The following NBR1 variants were observed in gnomAD, a reference collection of about 807,000 sequenced individuals.
NBR1 encodes next to BRCA1 gene 1 protein.
A neutral mutation model predicts 115.5 loss-of-function variants in NBR1; 59 were observed. The observed-to-expected ratio is 0.51, with a 90% CI of 0.41 to 0.63. The LOEUF (loss-of-function observed/expected upper bound fraction) is 0.63, where lower values mean the gene tolerates loss of function less well. Among genes scored for constraint, NBR1 ranks in the 30% least tolerant of loss-of-function variants. The pLI is 0.00. For synonymous variants in NBR1, 373 were observed against 414.7 expected (o/e 0.90, Z 1.22); for missense variants, 1,043 against 1,150.5 (o/e 0.91, Z 1.35).
intron 1 of NBR1, among the ~76,000 whole-genome samples, chr17:43,172,552 T>G (rs749937336): frequency 3.9e-5 from 6 of 152,200 alleles, no homozygotes; most frequent in Non-Finnish European, 8.8e-5. Flanking sequence ...CCTGGGGAAT[T>G]GACAAAGATT....
intron 20 of NBR1, among the ~76,000 whole-genome samples, chr17:43,205,897 A>G (rs1019191202): frequency 2.0e-5 from 3 of 149,318 alleles, no homozygotes; most frequent in Non-Finnish European, 3.0e-5. Flanking sequence ...AAAAAAAAAA[A>G]GGCTGGGTGT....
At chr17:43,180,923 G>A in intron 5 of NBR1, 106 bp downstream of exon 5, 1 of 1,107,704 alleles carries the variant, frequency 9.0e-7, no homozygotes, top group Non-Finnish European at 1.1e-6. Context: ...CCAGGCTGGT[G>A]TGCAGTGGCA....
chr17:43,189,989 T>C, intron 8 of NBR1, 187 bp downstream of exon 8: 1 of 603,200 alleles, frequency 1.7e-6, no homozygotes, highest in Admixed American at 3.0e-5. Context: ...TTCAGATTGT[T>C]GTGTTCAAAT....
intron 20 of NBR1, chr17:43,209,658 C>T (rs1421587417): frequency 2.0e-5 from 30 of 1,535,426 alleles, no homozygotes; most frequent in East Asian, 2.4e-5. Context: ...AGTTCATTAG[C>T]TCCCCGGTTT....
chr17:43,201,953 G>A (rs1351976768), intron 18 of NBR1, among the ~76,000 whole-genome samples, 173 bp downstream of exon 18: 1 of 151,920 alleles, frequency 6.6e-6, no homozygotes. Flanking sequence ...GCCAAGGCAG[G>A]CGGATCATAG....
Position 43,193,618 on chromosome 17 carries a change from G to T in NBR1, c.1504G>T (p.Asp502Tyr), listed in dbSNP as rs755310607. Residue 502 changes from aspartate to tyrosine, a missense_variant, in exon 12 of 21, where the codon GAT (aspartate) becomes TAT (tyrosine). By Grantham distance (160) the Asp-to-Tyr change is radical. Coordinates refer to ENST00000590996, the MANE Select transcript of NBR1 (RefSeq NM_005899.5). ...CATGATCAGCTCAAGCAAAACTGAT[G>T]ATCTCACCTGCCAGCAAGAGGTGAG... ...KGMISSSKTDDLTCQQEETFL... is the reference protein window; with the variant it reads ...KGMISSSKTDYLTCQQEETFL... 2 of 1,608,984 alleles carry T rather than the reference G, an allele frequency of 1.2e-6. No homozygotes were observed. The highest frequency in any genetic ancestry group is 1.1e-5 in the South Asian group (1 of 90,010).
intron 20 of NBR1, 21 bp from the exon 21 acceptor site, chr17:43,209,880 G>A: frequency 3.4e-6 from 4 of 1,174,728 alleles, no homozygotes; most frequent in South Asian, 5.1e-5. Flanking sequence ...TTTTTTTTTT[G>A]CTTTGCTTGT....
At chr17:43,182,953 G>T (rs1360252699) in intron 5 of NBR1, among the ~76,000 whole-genome samples, 1 of 151,296 alleles carries the variant, frequency 6.6e-6, no homozygotes, top group Non-Finnish European at 1.5e-5. Flanking sequence ...TAGTAGAGAC[G>T]GCGTTTCACC....
chr17:43,186,135 A>G (rs2056795146), intron 5 of NBR1, 115 bp from the exon 6 acceptor site: 1 of 845,510 alleles, frequency 1.2e-6, no homozygotes, highest in South Asian at 1.9e-5. Flanking sequence ...GCAAACACAA[A>G]TCCTAGTATT....
At position 43,177,572 on chromosome 17, in the gene NBR1, A is replaced by AACACACACACACACAC. The variant is rs60320098; in HGVS notation, c.103-330_103-315dup. Among the ~76,000 whole-genome samples, 369 of 131,320 alleles carry AACACACACACACACAC rather than the reference A, an allele frequency of 2.8e-3. 1 individual carries two copies. The highest frequency in any genetic ancestry group is 9.2e-3 in the African/African-American group (300 of 32,612). The allele number at this position is 131,320 out of a possible 152,430, so 86.2% of individuals were successfully genotyped here. On this transcript the variant is annotated intron_variant, in intron 2 of 20. Transcript: ENST00000590996. ...GTTCCCTACCCCACACCCCACCCAA[A>AACACACACACACACAC]ACACACACACACACACACACACACA...
intron 11 of NBR1, 47 bp downstream of exon 11, chr17:43,193,300 G>C: frequency 1.2e-6 from 2 of 1,613,078 alleles, no homozygotes; most frequent in Non-Finnish European, 1.7e-6. Flanking sequence ...TGAAGTGGCA[G>C]AGTGCTCAGC....
Position 43,194,405 on chromosome 17 carries a change from C to T in NBR1, c.1580C>T (p.Thr527Ile). ...ERQLGEVTEQ[T>I]EGTAACIPQK... ...CAGCTTGGTGAAGTGACTGAGCAGA[C>T]AGAAGGGACAGCAGCCTGCATCCCA... The change falls in exon 13 of 21, where the codon ACA becomes ATA. Residue 527 changes from threonine (T) to isoleucine (I), a missense_variant. By Grantham distance (89) the Thr-to-Ile change is moderately conservative. Transcript: ENST00000590996. 1 of 1,613,932 alleles carries T rather than the reference C, an allele frequency of 6.2e-7. No individual in the cohort carries two copies. The highest frequency in any genetic ancestry group is 8.5e-7 in the Non-Finnish European group (1 of 1,179,870).
rs771303540 is a variant in NBR1 at position 43,179,083 on chromosome 17, G to T, written c.166-311G>T. ...TCATGAGGAAACTGAGGCACAGAGA[G>T]GTGAAAATAACTTGTCCAAATGCAC... On this transcript the variant is annotated intron_variant, in intron 3 of 20. Transcript: ENST00000590996. 1.4e-4 allele frequency among the ~76,000 whole-genome samples: 21 copies of T among 152,108 alleles called. 1 individual carries two copies. Among genetic ancestry groups the T allele is most frequent in the Admixed American group, 1.1e-3 (17 of 15,262 alleles).
intron 20 of NBR1, 48 bp from the exon 21 acceptor site, chr17:43,209,853 T>G: frequency 1.4e-6 from 2 of 1,468,268 alleles, no homozygotes. Context: ...AACATTTAAA[T>G]TATACAGAAT....
At chr17:43,193,045 A>G (rs1389553196) in intron 10 of NBR1, 49 bp from the exon 11 acceptor site, 1 of 1,589,098 alleles carries the variant, frequency 6.3e-7, no homozygotes, top group Non-Finnish European at 8.6e-7. Context: ...GGTATTCAGA[A>G]GCCTTCACAC....
At chr17:43,186,561 G>A (rs1360793282) in intron 6 of NBR1, 117 bp downstream of exon 6, 2 of 894,208 alleles carry the variant, frequency 2.2e-6, no homozygotes, top group Non-Finnish European at 3.1e-6. Context: ...AGATACATGT[G>A]CAGAATGTGC....
At chr17:43,175,506 C>T (rs1203535102) in intron 1 of NBR1, among the ~76,000 whole-genome samples, 3 of 152,120 alleles carry the variant, frequency 2.0e-5, no homozygotes, top group Non-Finnish European at 4.4e-5. Flanking sequence ...CACATGTTTC[C>T]AACATGTGGA....
rs765579730 is a variant in NBR1, at chr17:43,200,425, G to T, written c.2285G>T (p.Arg762Leu). 6 of 1,610,760 alleles carry T rather than the reference G, an allele frequency of 3.7e-6. No homozygotes were observed. The highest frequency in any genetic ancestry group is 5.1e-6 in the Non-Finnish European group (6 of 1,178,530). Residue 762 changes from arginine (R) to leucine (L), a missense_variant, in exon 17 of 21, where the codon CGA becomes CTA. Arg to Leu is a moderately radical substitution (Grantham distance 102). Coordinates refer to ENST00000590996, the MANE Select transcript of NBR1 (RefSeq NM_005899.5). ...GCGCTCTCACAGCCAGGCCTGGAGC[G>T]AGGTGCTGAAGGCAAGCCTGGGGTT... ...SSALSQPGLERGAEGKPGVEA... is the reference protein window; with the variant it reads ...SSALSQPGLELGAEGKPGVEA...
intron 12 of NBR1, 113 bp from the exon 13 acceptor site, chr17:43,194,237 T>C (rs1467758894): frequency 1.5e-5 from 15 of 987,134 alleles, no homozygotes; most frequent in Non-Finnish European, 1.9e-5. Context: ...TCAAAAACAT[T>C]GTTTTTTAAA....
Sources: allele counts gnomAD v4.1 joint callset (sites outside exome capture counted in the v4.1 genomes callset), GRCh38; gene constraint gnomAD v4.1.1; transcripts MANE v1.5; gene names NCBI Gene and HGNC (gene_info 2026-07-23, HGNC 2026-07-21).